Variants in RNASE10 observed in about 807,000 individuals in gnomAD.
RNASE10 encodes ribonuclease A family member 10 (inactive).
Under a neutral mutation model 1.1 loss-of-function variants are expected in RNASE10, and 2 were observed. The observed-to-expected ratio is 1.82, with a 90% CI of 0.74 to 5.73. The LOEUF is 5.73. Ranked by LOEUF, RNASE10 falls within the 30% of genes most tolerant of loss-of-function variation. The pLI is 0.05. For missense variants in RNASE10, 276 were observed against 263.4 expected, an observed-to-expected ratio of 1.05 and a Z score of -0.33; for synonymous variants, 97 against 96.2, an observed-to-expected ratio of 1.01 and a Z score of -0.05.
chr14:20,510,372 G>A (rs2319198), intron 1 of RNASE10, 95 bp from the exon 2 acceptor site: 1,287,122 of 1,506,430 alleles, frequency 0.85, 551,506 homozygotes, highest in East Asian at 0.94. Context: ...GGAGACCCCA[G>A]ATACAATGCT....
intron 1 of RNASE10, among the ~76,000 whole-genome samples, chr14:20,508,154 T>C (rs1308174936): frequency 6.6e-6 from 1 of 152,190 alleles, no homozygotes; most frequent in Non-Finnish European, 1.5e-5. Flanking sequence ...ATTGCATATG[T>C]TGTGCTCTTT....
chr14:20,513,753 C>T (rs562264195), downstream of RNASE10, among the ~76,000 whole-genome samples: 28 of 152,238 alleles, frequency 1.8e-4, no homozygotes, highest in Admixed American at 8.5e-4. Flanking sequence ...CATTAACATA[C>T]AATAGTGCTT....
chr14:20,510,405 T>C, intron 1 of RNASE10, 62 bp from the exon 2 acceptor site: 3 of 1,547,362 alleles, frequency 1.9e-6, no homozygotes, highest in Non-Finnish European at 2.6e-6. Flanking sequence ...GAGATTACAG[T>C]CTCTACTAGA....
upstream of RNASE10, among the ~76,000 whole-genome samples, chr14:20,504,402 C>T (rs375548980): frequency 1.4e-4 from 21 of 152,248 alleles, no homozygotes; most frequent in African/African-American, 4.8e-4. Context: ...AGTCCTCTCT[C>T]TTTTTTAAAA....
chr14:20,513,675 T>G (rs1299170670), downstream of RNASE10, among the ~76,000 whole-genome samples: 2 of 152,252 alleles, frequency 1.3e-5, no homozygotes, highest in Non-Finnish European at 1.5e-5. Flanking sequence ...TGTGGAAATA[T>G]CACTGTGTTT....
intron 1 of RNASE10, among the ~76,000 whole-genome samples, chr14:20,506,386 C>G: frequency 7.8e-6 from 1 of 127,464 alleles, no homozygotes; most frequent in African/African-American, 3.1e-5. Flanking sequence ...GCCGCCCCTA[C>G]TGGGAAGTGA....
intron 1 of RNASE10, 68 bp from the exon 2 acceptor site, chr14:20,510,399 T>C (rs1882864527): frequency 6.5e-7 from 1 of 1,540,414 alleles, no homozygotes; most frequent in Non-Finnish European, 8.7e-7. Context: ...CTTAGTGAGA[T>C]TACAGTCTCT....
chr14:20,512,917 AAAG>A (rs775405350), downstream of RNASE10, among the ~76,000 whole-genome samples: 53 of 152,196 alleles, frequency 3.5e-4, no homozygotes, highest in Admixed American at 3.9e-4. Flanking sequence ...GGAAGAGGGG[AAAG>A]AAGAATAGGT....
chr14:20,506,378 C>T (rs1176116728), intron 1 of RNASE10, among the ~76,000 whole-genome samples: 10 of 127,580 alleles, frequency 7.8e-5, no homozygotes, highest in South Asian at 2.7e-4. Context: ...TCTGCCCGGC[C>T]GCCCCTACTG....
chr14:20,510,943 G>C (rs755997959), exon 2 of RNASE10: 1 of 1,609,546 alleles, frequency 6.2e-7, no homozygotes, highest in South Asian at 1.1e-5. Flanking sequence ...TCCTGTCATT[G>C]CCTGTGAGCT....
At chr14:20,506,775 C>T (rs1278508728) in intron 1 of RNASE10, among the ~76,000 whole-genome samples, 6 of 129,036 alleles carry the variant, frequency 4.6e-5, no homozygotes, top group Non-Finnish European at 1.0e-4. Context: ...GGGGGGTCAG[C>T]CCCCCGCCCG....
At position 20,508,954 on chromosome 14, in the gene RNASE10, C is replaced by G. The variant is rs1488864386; in HGVS notation, c.80-1513C>G. 2.0e-5 allele frequency among the ~76,000 whole-genome samples: 3 copies of G among 152,044 alleles called. No homozygotes were observed. The East Asian group carries it at 5.8e-4, about 29-fold the overall frequency. Reference sequence around the variant, plus strand: ...CAGAGATCATACTTTTATCAATTGCCTCAATAATGTTCTTCATAGCAATTT... The same window carrying G: ...CAGAGATCATACTTTTATCAATTGCGTCAATAATGTTCTTCATAGCAATTT... On this transcript the variant is annotated intron_variant, in intron 1 of 1. Transcript: ENST00000430083.
At chr14:20,512,807 A>G (rs1882929884), downstream of RNASE10, among the ~76,000 whole-genome samples, 1 of 152,232 alleles carries the variant, frequency 6.6e-6, no homozygotes, top group Non-Finnish European at 1.5e-5. Flanking sequence ...GTGATGACCC[A>G]GCCAAGGCAG....
At chr14:20,508,602 C>T (rs746673162) in intron 1 of RNASE10, among the ~76,000 whole-genome samples, 5 of 151,944 alleles carry the variant, frequency 3.3e-5, no homozygotes, top group South Asian at 4.2e-4. Context: ...AATTCAGACA[C>T]GTCAAAAAGA....
chr14:20,510,248 C>A, intron 1 of RNASE10: 1 of 253,834 alleles, frequency 3.9e-6, no homozygotes, highest in Non-Finnish European at 6.2e-6. Flanking sequence ...CATGAGGAAA[C>A]TTCCACATTT....
At chr14:20,508,110 C>T (rs1360450018) in intron 1 of RNASE10, among the ~76,000 whole-genome samples, 1 of 152,070 alleles carries the variant, frequency 6.6e-6, no homozygotes, top group East Asian at 1.9e-4. Context: ...GTATACATAT[C>T]CATATATCTA....
intron 1 of RNASE10, among the ~76,000 whole-genome samples, chr14:20,506,713 T>TTG (rs1882735749): frequency 5.4e-5 from 2 of 37,054 alleles, no homozygotes; most frequent in Non-Finnish European, 1.0e-4. Flanking sequence ...GGGAGGGAGG[T>TTG]GGGGGGGTCA....
exon 2 of RNASE10, chr14:20,510,819 T>C (rs779490641): frequency 2.5e-6 from 4 of 1,613,932 alleles, no homozygotes; most frequent in South Asian, 1.1e-5. Flanking sequence ...ACCAGACAGA[T>C]AGAGAATGCA....
downstream of RNASE10, among the ~76,000 whole-genome samples, chr14:20,512,099 T>G (rs146454929): frequency 3.1e-3 from 470 of 152,160 alleles, 2 homozygotes; most frequent in African/African-American, 0.011. Context: ...TTTTTTGAAT[T>G]ATGTCCAGAA....
Sources: gnomAD v4.1 joint callset for allele counts (sites outside exome capture counted in the v4.1 genomes callset) on GRCh38, gnomAD v4.1.1 for gene constraint, MANE v1.5 for transcripts, NCBI Gene and HGNC (gene_info 2026-07-23, HGNC 2026-07-21) for gene names.